The following SDK2 variants were observed in gnomAD, a reference collection of about 807,000 sequenced individuals.
SDK2 encodes the protein protein sidekick-2.
Under a neutral mutation model 253.9 loss-of-function variants are expected in SDK2, and 105 were observed. The ratio of observed to expected loss-of-function variants is 0.41; its 90% CI spans 0.35 to 0.49. SDK2 has a LOEUF of 0.49. SDK2 is among the 20% of genes least tolerant of loss of function. The probability of loss-of-function intolerance (pLI) is 0.06; values close to 1 mark genes in which losing one functional copy is unlikely to be tolerated. For synonymous variants in SDK2, 1,249 were observed against 1,234.9 expected (o/e 1.01, Z -0.24); for missense variants, 2,608 against 3,003.0 (o/e 0.87, Z 3.07).
chr17:73,426,422 T>C (rs576109052), intron 12 of SDK2, among the ~76,000 whole-genome samples: 1 of 152,120 alleles, frequency 6.6e-6, no homozygotes, highest in African/African-American at 2.4e-5. Context: ...ATAAACTCTT[T>C]TTGATGTGAT....
chr17:73,437,874 C>T (rs2063382423), intron 7 of SDK2, 52 bp from the exon 8 acceptor site: 2 of 1,609,800 alleles, frequency 1.2e-6, no homozygotes, highest in Admixed American at 1.7e-5. Context: ...CGCTTTGATC[C>T]AGCCACTGTA....
chr17:73,438,625 GCAGACAAGACAGA>G (rs139645316), intron 6 of SDK2, among the ~76,000 whole-genome samples: 2,722 of 146,992 alleles, frequency 0.019, 75 homozygotes, highest in African/African-American at 0.065. Flanking sequence ...GGAAATAAGG[GCAGACAAGACAGA>G]CAGACAGACA....
intron 1 of SDK2, among the ~76,000 whole-genome samples, chr17:73,574,667 C>A (rs1181382824): frequency 6.6e-6 from 1 of 152,172 alleles, no homozygotes; most frequent in Admixed American, 6.5e-5. Flanking sequence ...GGAACCAAGG[C>A]AAGCTCTAAA....
chr17:73,571,462 T>C (rs2045384751), intron 1 of SDK2, among the ~76,000 whole-genome samples: 1 of 152,150 alleles, frequency 6.6e-6, no homozygotes, highest in Non-Finnish European at 1.5e-5. Flanking sequence ...GGGAGCTCGG[T>C]GGCCCACCCA....
intron 38 of SDK2, among the ~76,000 whole-genome samples, chr17:73,362,097 A>G (rs1033830439): frequency 5.3e-5 from 8 of 152,122 alleles, no homozygotes; most frequent in African/African-American, 1.4e-4. Flanking sequence ...AAAAGCTACT[A>G]CTGTCTGTGT....
At chr17:73,598,476 G>A (rs374363745) in intron 1 of SDK2, among the ~76,000 whole-genome samples, 6 of 152,104 alleles carry the variant, frequency 3.9e-5, no homozygotes, top group East Asian at 1.9e-4. Flanking sequence ...TCCATAACAC[G>A]GACAGTGCCT....
intron 40 of SDK2, among the ~76,000 whole-genome samples, chr17:73,354,856 C>T (rs1021907049): frequency 5.3e-5 from 8 of 152,024 alleles, no homozygotes; most frequent in African/African-American, 1.4e-4. Flanking sequence ...AGTTCAAGGC[C>T]GCCCTTCCCC....
rs2063611753 is a variant in SDK2 at position 73,467,644 on chromosome 17, G to A, written c.331+4468C>T. On this transcript the variant is annotated intron_variant, in intron 3 of 44. Coordinates refer to ENST00000392650, the MANE Select transcript of SDK2 (RefSeq NM_001144952.2). The surrounding 1 kb of genome is among the most constrained non-coding windows in gnomAD (Gnocchi z 4.1). ...GTGTCCAGCAAGGGCATGAATGGGG[G>A]AGGTATGCTTCTCTCCTTCCCATCC... is the stretch of plus-strand genomic sequence containing the variant. Among the ~76,000 whole-genome samples the A allele has an allele frequency of 6.6e-6, 1 of 152,186 alleles. No individual in the cohort carries two copies. The highest frequency in any genetic ancestry group is 2.1e-4 in the South Asian group (1 of 4,836).
At chr17:73,368,853 T>C (rs765738495) in intron 36 of SDK2, among the ~76,000 whole-genome samples, 2 of 151,750 alleles carry the variant, frequency 1.3e-5, no homozygotes, top group Non-Finnish European at 2.9e-5. Flanking sequence ...CTACTGGAAA[T>C]ACAAAAAAAT....
chr17:73,623,461 G>A (rs569211043), intron 1 of SDK2, among the ~76,000 whole-genome samples: 1 of 152,296 alleles, frequency 6.6e-6, no homozygotes, highest in South Asian at 2.1e-4. Context: ...AGAGCCCTGG[G>A]GGGAAGGAAG....
At chr17:73,603,332 T>TGCGCTAGAGAGA (rs1045535747) in intron 1 of SDK2, among the ~76,000 whole-genome samples, 1 of 152,212 alleles carries the variant, frequency 6.6e-6, no homozygotes, top group Admixed American at 6.5e-5. Context: ...GCTGGCCCCC[T>TGCGCTAGAGAGA]GCGCTAGAGA....
intron 1 of SDK2, among the ~76,000 whole-genome samples, chr17:73,598,006 AAG>A (rs1350845487): frequency 6.6e-6 from 1 of 152,152 alleles, no homozygotes; most frequent in African/African-American, 2.4e-5. Context: ...TACAGATGGG[AAG>A]AGTGACGCTC....
intron 27 of SDK2, among the ~76,000 whole-genome samples, chr17:73,391,752 T>C (rs2062930176): frequency 6.6e-6 from 1 of 152,188 alleles, no homozygotes; most frequent in African/African-American, 2.4e-5. Flanking sequence ...AAAATAGGCA[T>C]CATTTGGCAG....
chr17:73,480,433 A>G (rs781531573), intron 2 of SDK2, among the ~76,000 whole-genome samples: 1 of 152,220 alleles, frequency 6.6e-6, no homozygotes, highest in Non-Finnish European at 1.5e-5. Context: ...AGTACACTGG[A>G]GGCCCAGGAA....
At chr17:73,575,743 C>T (rs1021244617) in intron 1 of SDK2, among the ~76,000 whole-genome samples, 14 of 151,080 alleles carry the variant, frequency 9.3e-5, no homozygotes, top group Non-Finnish European at 1.9e-4. Flanking sequence ...AATCTTTGTG[C>T]TCAAGGAGCT....
chr17:73,571,721 G>A (rs1018459765), intron 1 of SDK2, among the ~76,000 whole-genome samples: 3 of 152,180 alleles, frequency 2.0e-5, no homozygotes, highest in African/African-American at 2.4e-5. Flanking sequence ...TTTCCCGCCC[G>A]GCCTGCCTTC....
At chr17:73,421,573 C>CTTTTTTTTTTTTTTTTTTTTTTTTTTTTT in intron 15 of SDK2, among the ~76,000 whole-genome samples, 1 of 90,772 alleles carries the variant, frequency 1.1e-5, no homozygotes, top group Non-Finnish European at 2.0e-5. Flanking sequence ...CAATTTCCAT[C>CTTTTTTTTTTTTTTTTTTTTTTTTTTTTT]TTTTTTTTTT....
Position 73,630,349 on chromosome 17 carries a change from C to A in SDK2, c.64+13676G>T, listed in dbSNP as rs193093463. 2.6e-5 allele frequency among the ~76,000 whole-genome samples: 4 copies of A among 152,250 alleles called. No individual in the cohort carries two copies. The East Asian group carries it at 7.8e-4, about 30-fold the overall frequency. ...CCCCAAATGGTGCTCAAGTATGAGA[C>A]CCACTGCTCTAGGCCACTCCCTTAC... On this transcript the variant is annotated intron_variant, in intron 1 of 44. Transcript: ENST00000392650.
intron 1 of SDK2, among the ~76,000 whole-genome samples, chr17:73,638,806 C>CTTTTTTTTTTTT (rs1223522657): frequency 1.4e-5 from 2 of 138,992 alleles, no homozygotes; most frequent in Non-Finnish European, 1.6e-5. Flanking sequence ...AGATAACAGT[C>CTTTTTTTTTTTT]TTTTTTTTTT....
Sources: allele counts gnomAD v4.1 joint callset (sites outside exome capture counted in the v4.1 genomes callset), GRCh38; gene constraint gnomAD v4.1.1; non-coding constraint Gnocchi (gnomAD v3.1); transcripts MANE v1.5; gene names NCBI Gene and HGNC (gene_info 2026-07-23, HGNC 2026-07-21).